Variants in ADAMTS12 observed in about 807,000 individuals in gnomAD.
ADAMTS12 encodes the protein ADAM metallopeptidase with thrombospondin type 1 motif 12.
ADAMTS12 carries 118 observed loss-of-function variants against 167.8 expected under a neutral mutation model. The observed-to-expected ratio is 0.70, with a 90% CI of 0.61 to 0.82. The LOEUF is 0.82. Among genes scored for constraint, ADAMTS12 ranks in the 40% least tolerant of loss-of-function variants. The probability of loss-of-function intolerance (pLI) is 0.00; values close to 1 mark genes in which losing one functional copy is unlikely to be tolerated. For synonymous variants in ADAMTS12, 704 were observed against 716.9 expected, an observed-to-expected ratio of 0.98 and a Z score of 0.29; for missense variants, 1,916 against 1,998.8, an observed-to-expected ratio of 0.96 and a Z score of 0.79.
chr5:33,534,576 C>T (rs1205574693), intron 23 of ADAMTS12, among the ~76,000 whole-genome samples: 2 of 151,722 alleles, frequency 1.3e-5, no homozygotes, highest in African/African-American at 2.4e-5. Context: ...AACAGGCTTA[C>T]AGAGAGAAAA....
chr5:33,672,514 C>A (rs1464956567), intron 5 of ADAMTS12, among the ~76,000 whole-genome samples: 1 of 152,174 alleles, frequency 6.6e-6, no homozygotes, highest in Non-Finnish European at 1.5e-5. Context: ...CTCTTGTTCT[C>A]CCTTAGCTCA....
chr5:33,850,041 G>C (rs1019060515), intron 2 of ADAMTS12, among the ~76,000 whole-genome samples: 2 of 152,012 alleles, frequency 1.3e-5, no homozygotes, highest in African/African-American at 4.8e-5. Flanking sequence ...CCTGCTAAAC[G>C]TATTATAAAA....
chr5:33,649,486 G>A, intron 8 of ADAMTS12, 68 bp downstream of exon 8: 2 of 1,569,098 alleles, frequency 1.3e-6, no homozygotes, highest in African/African-American at 1.3e-5. Flanking sequence ...GCTTCTCTGT[G>A]TAAAACTCAA....
intron 3 of ADAMTS12, among the ~76,000 whole-genome samples, chr5:33,686,801 G>T (rs78609389): frequency 0.13 from 20,163 of 149,642 alleles, 1,718 homozygotes; most frequent in South Asian, 0.43. Context: ...TATATATATA[G>T]AGAGAGAGAG....
rs190218950 is a variant in ADAMTS12 at position 33,802,396 on chromosome 5, C to G, written c.490-50848G>C. ...TTGGATCCTAATCACAGGCAGGTAGCATTTGTCAAACAAGATGACACCACC... is the reference window on the plus strand; with the variant it reads ...TTGGATCCTAATCACAGGCAGGTAGGATTTGTCAAACAAGATGACACCACC... On this transcript the variant is annotated intron_variant, in intron 2 of 23. Transcript: ENST00000504830. Among the ~76,000 whole-genome samples, 197 of 152,302 alleles carry G rather than the reference C, an allele frequency of 1.3e-3. 2 individuals are homozygous for G. The highest frequency in any genetic ancestry group is 4.3e-3 in the African/African-American group (179 of 41,556).
intron 22 of ADAMTS12, among the ~76,000 whole-genome samples, chr5:33,543,205 C>G (rs1008312757): frequency 6.6e-6 from 1 of 152,154 alleles, no homozygotes; most frequent in Non-Finnish European, 1.5e-5. Flanking sequence ...TACAGAAATA[C>G]AAACTACCAT....
At chr5:33,701,806 G>A (rs1391666878) in intron 3 of ADAMTS12, among the ~76,000 whole-genome samples, 6 of 152,164 alleles carry the variant, frequency 3.9e-5, no homozygotes, top group African/African-American at 1.4e-4. Flanking sequence ...GTGGGATTCA[G>A]CTTGAAGATA....
intron 17 of ADAMTS12, among the ~76,000 whole-genome samples, chr5:33,595,376 G>T (rs1318091907): frequency 1.3e-5 from 2 of 152,162 alleles, no homozygotes; most frequent in African/African-American, 4.8e-5. Flanking sequence ...GACTGGGAGG[G>T]AGGGAGTTCT....
intron 2 of ADAMTS12, among the ~76,000 whole-genome samples, chr5:33,845,179 G>A (rs1295894596): frequency 6.6e-6 from 1 of 152,180 alleles, no homozygotes; most frequent in Non-Finnish European, 1.5e-5. Context: ...CTCTACCTCT[G>A]TCCATTGAGA....
chr5:33,667,060 T>C (rs1354934472), intron 5 of ADAMTS12, among the ~76,000 whole-genome samples: 1 of 152,218 alleles, frequency 6.6e-6, no homozygotes, highest in African/African-American at 2.4e-5. Flanking sequence ...TTTACTTTAG[T>C]AATTAGAATT....
At chr5:33,634,875 C>T (rs1740115971) in intron 12 of ADAMTS12, among the ~76,000 whole-genome samples, 2 of 151,762 alleles carry the variant, frequency 1.3e-5, no homozygotes, top group Non-Finnish European at 2.9e-5. Context: ...TAAAATTTTT[C>T]TGTAGAGGCA....
intron 20 of ADAMTS12, among the ~76,000 whole-genome samples, chr5:33,553,498 A>G (rs1299518901): frequency 6.6e-6 from 1 of 152,254 alleles, no homozygotes; most frequent in Non-Finnish European, 1.5e-5. Flanking sequence ...GATAAAGAAA[A>G]TGTGGTAATA....
At chr5:33,746,514 G>T (rs1400451985) in intron 3 of ADAMTS12, among the ~76,000 whole-genome samples, 1 of 152,106 alleles carries the variant, frequency 6.6e-6, no homozygotes, top group Non-Finnish European at 1.5e-5. Flanking sequence ...TCGTGCAATA[G>T]ACAAGATATT....
At chr5:33,555,574 G>A (rs1188423442) in intron 20 of ADAMTS12, among the ~76,000 whole-genome samples, 2 of 152,126 alleles carry the variant, frequency 1.3e-5, no homozygotes, top group Non-Finnish European at 2.9e-5. Context: ...TTAACATTCT[G>A]AAACCGGCAT....
intron 13 of ADAMTS12, among the ~76,000 whole-genome samples, chr5:33,625,303 T>A (rs901540467): frequency 6.1e-5 from 9 of 146,668 alleles, no homozygotes; most frequent in African/African-American, 1.7e-4. Flanking sequence ...CTAAGAGATT[T>A]AAAAAAAAAA....
At chr5:33,831,436 A>G (rs937723175) in intron 2 of ADAMTS12, among the ~76,000 whole-genome samples, 2 of 152,208 alleles carry the variant, frequency 1.3e-5, no homozygotes, top group African/African-American at 4.8e-5. Context: ...ATAAACAATG[A>G]TCTTAAGTGT....
At chr5:33,852,054 T>TA (rs1484082463) in intron 2 of ADAMTS12, among the ~76,000 whole-genome samples, 1 of 152,196 alleles carries the variant, frequency 6.6e-6, no homozygotes, top group African/African-American at 2.4e-5. Context: ...AAGCCTTATA[T>TA]TATCTAACAG....
chr5:33,538,323 C>T (rs1744512270), intron 22 of ADAMTS12, among the ~76,000 whole-genome samples: 1 of 152,098 alleles, frequency 6.6e-6, no homozygotes, highest in Admixed American at 6.5e-5. Context: ...ATCACAAGAA[C>T]AGCATGGGGG....
intron 2 of ADAMTS12, among the ~76,000 whole-genome samples, chr5:33,790,744 T>C (rs1437664972): frequency 2.0e-5 from 3 of 148,586 alleles, no homozygotes; most frequent in South Asian, 2.1e-4. Flanking sequence ...AACACACATA[T>C]ACTTGACTCT....
Sources: allele counts gnomAD v4.1 joint callset (sites outside exome capture counted in the v4.1 genomes callset), GRCh38; gene constraint gnomAD v4.1.1; transcripts MANE v1.5; gene names NCBI Gene and HGNC (gene_info 2026-07-23, HGNC 2026-07-21).